Variants in JADE3 observed in about 807,000 individuals in gnomAD.
The protein encoded by JADE3 is jade family PHD finger 3.
JADE3 carries 2 observed loss-of-function variants against 50.1 expected under a neutral mutation model. The observed-to-expected ratio is 0.04, with a 90% CI of 0.02 to 0.13. JADE3 has a LOEUF of 0.13. Among genes scored for constraint, JADE3 ranks in the 10% least tolerant of loss-of-function variants. The pLI, the probability that JADE3 is intolerant of heterozygous loss-of-function variation, is 1.00. For synonymous variants in JADE3, 218 were observed against 232.9 expected, an observed-to-expected ratio of 0.94 and a Z score of 0.58; for missense variants, 475 against 634.4, an observed-to-expected ratio of 0.75 and a Z score of 2.70.
At chrX:47,031,366 C>A (rs1233846905) in intron 6 of JADE3, among the ~76,000 whole-genome samples, 1 of 111,392 alleles carries the variant, frequency 9.0e-6, no homozygotes, top group Non-Finnish European at 1.9e-5. Context: ...TACCTAGAGT[C>A]CAGCTTCAGT....
At chrX:46,970,533 G>A (rs1282273522) in intron 1 of JADE3, among the ~76,000 whole-genome samples, 1 of 111,982 alleles carries the variant, frequency 8.9e-6, no homozygotes, top group South Asian at 3.8e-4. Context: ...GGTGCACCTG[G>A]TCCTGTGACC....
intron 1 of JADE3, among the ~76,000 whole-genome samples, chrX:46,918,365 G>A (rs1032751822): frequency 8.9e-6 from 1 of 111,763 alleles, no homozygotes; most frequent in African/African-American, 3.3e-5. Context: ...TATGTTTTTT[G>A]TTTTTTGCAT....
At chrX:47,006,504 T>C (rs1928427355) in intron 4 of JADE3, among the ~76,000 whole-genome samples, 1 of 105,312 alleles carries the variant, frequency 9.5e-6, no homozygotes, top group South Asian at 4.5e-4. Context: ...TTCGCCATGT[T>C]GCCCAGGCTG....
At chrX:46,923,427 A>C (rs1926281846) in intron 1 of JADE3, among the ~76,000 whole-genome samples, 1 of 13,352 alleles carries the variant, frequency 7.5e-5, no homozygotes, top group African/African-American at 1.1e-4. Flanking sequence ...TTTTTGAGGC[A>C]GGGTCTTCCT....
chrX:46,944,600 G>A (rs782211166), intron 1 of JADE3, among the ~76,000 whole-genome samples: 2 of 110,303 alleles, frequency 1.8e-5, no homozygotes, highest in East Asian at 5.7e-4. Context: ...GAGCCACCAC[G>A]CCTGGCCTTT....
chrX:46,973,027 T>C (rs1034278568), intron 1 of JADE3, among the ~76,000 whole-genome samples: 7 of 112,633 alleles, frequency 6.2e-5, no homozygotes, highest in Non-Finnish European at 1.9e-5. Flanking sequence ...GCCAAAGATA[T>C]TTCCTATCTG....
intron 6 of JADE3, among the ~76,000 whole-genome samples, chrX:47,030,077 A>G (rs938345858): frequency 1.8e-5 from 2 of 110,769 alleles, no homozygotes; most frequent in Non-Finnish European, 3.8e-5. Flanking sequence ...TACTATATAT[A>G]TATATATACT....
intron 4 of JADE3, among the ~76,000 whole-genome samples, chrX:47,008,830 G>A (rs1359757704): frequency 2.7e-5 from 3 of 111,256 alleles, no homozygotes; most frequent in Non-Finnish European, 5.6e-5. Context: ...TATCTTGGTT[G>A]TGATGCTAGT....
At chrX:46,935,375 G>A (rs1926593909) in intron 1 of JADE3, among the ~76,000 whole-genome samples, 1 of 110,888 alleles carries the variant, frequency 9.0e-6, no homozygotes, top group African/African-American at 3.3e-5. Context: ...TAGTTCTTTT[G>A]CTGTTCTTTA....
intron 3 of JADE3, among the ~76,000 whole-genome samples, chrX:46,996,520 T>C (rs1237930598): frequency 8.9e-6 from 1 of 112,220 alleles, no homozygotes; most frequent in East Asian, 2.8e-4. Flanking sequence ...TCTTTCACAG[T>C]ATGAAGGCCA....
At chrX:46,951,585 C>CA (rs1157479710) in intron 1 of JADE3, among the ~76,000 whole-genome samples, 3 of 73,105 alleles carry the variant, frequency 4.1e-5, no homozygotes, top group African/African-American at 1.5e-4. Context: ...GACTCCGTCT[C>CA]AAAAAAAAAA....
At chrX:47,021,766 T>G (rs1928798959) in intron 4 of JADE3, among the ~76,000 whole-genome samples, 1 of 112,484 alleles carries the variant, frequency 8.9e-6, no homozygotes, top group Non-Finnish European at 1.9e-5. Flanking sequence ...TTAAGTTTTT[T>G]TGCCCAGCTT....
intron 1 of JADE3, among the ~76,000 whole-genome samples, chrX:46,943,887 T>C (rs782609421): frequency 2.8e-4 from 31 of 111,747 alleles, no homozygotes; most frequent in Non-Finnish European, 5.8e-4. Context: ...GATTTAGTTT[T>C]AGAACTTGAT....
intron 1 of JADE3, among the ~76,000 whole-genome samples, chrX:46,943,179 A>T (rs185669265): frequency 2.7e-5 from 3 of 111,787 alleles, no homozygotes; most frequent in African/African-American, 9.7e-5. Flanking sequence ...TCCAATTTGG[A>T]TGCCTTTTAT....
chrX:46,988,509 G>T (rs1488264856), intron 3 of JADE3, among the ~76,000 whole-genome samples: 1 of 111,523 alleles, frequency 9.0e-6, no homozygotes, highest in African/African-American at 3.3e-5. Flanking sequence ...TGAAACTTTG[G>T]CAGTTAAGAA....
At chrX:46,928,584 G>GT (rs1602372073) in intron 1 of JADE3, among the ~76,000 whole-genome samples, 2 of 111,483 alleles carry the variant, frequency 1.8e-5, no homozygotes, top group South Asian at 7.5e-4. Context: ...TCTTATTTGT[G>GT]TTTTTTGGTT....
intron 1 of JADE3, among the ~76,000 whole-genome samples, chrX:46,929,244 G>A (rs868975871): frequency 1.8e-5 from 2 of 112,074 alleles, no homozygotes; most frequent in Admixed American, 9.5e-5. Context: ...ATACAGGAGC[G>A]GTGTTTGTGT....
chrX:46,930,833 A>T (rs989790139), intron 1 of JADE3, among the ~76,000 whole-genome samples: 1 of 110,814 alleles, frequency 9.0e-6, no homozygotes, highest in Admixed American at 9.6e-5. Context: ...CTTATTCTCT[A>T]ACCCTGTGGG....
At chrX:46,952,990 CA>C (rs782082333) in intron 1 of JADE3, among the ~76,000 whole-genome samples, 1,143 of 88,150 alleles carry the variant, frequency 0.013, 14 homozygotes, top group African/African-American at 0.038. Flanking sequence ...GAGACTGTCT[CA>C]AAAAAAAAAA....
Sources: allele counts gnomAD v4.1 joint callset (sites outside exome capture counted in the v4.1 genomes callset), GRCh38; gene constraint gnomAD v4.1.1; transcripts MANE v1.5; gene names NCBI Gene and HGNC (gene_info 2026-07-23, HGNC 2026-07-21).